Variants in CDIN1 observed in about 807,000 individuals in gnomAD.
CDIN1 encodes CDAN1-interacting nuclease 1.
In CDIN1, 33 loss-of-function variants were observed where a neutral mutation model predicts 45.3. That is an observed-to-expected ratio of 0.73 (90% CI 0.55 to 0.97). CDIN1 has a LOEUF of 0.97. Among genes scored for constraint, CDIN1 ranks in the 50% least tolerant of loss-of-function variants. The pLI, the probability that CDIN1 is intolerant of heterozygous loss-of-function variation, is 0.00. For missense variants in CDIN1, 303 were observed against 339.4 expected (o/e 0.89, Z 0.84); for synonymous variants, 118 against 124.4 (o/e 0.95, Z 0.34).
intron 1 of CDIN1, among the ~76,000 whole-genome samples, chr15:36,629,691 G>A (rs1408728789): frequency 2.0e-5 from 3 of 152,230 alleles, no homozygotes; most frequent in African/African-American, 7.2e-5. Context: ...AGTCACTTCT[G>A]TTTTCCTCTG....
At chr15:36,589,511 CTT>C (rs5811918) in intron 1 of CDIN1, among the ~76,000 whole-genome samples, 51 of 145,336 alleles carry the variant, frequency 3.5e-4, no homozygotes, top group Admixed American at 4.8e-4. Context: ...TTTCTTTTTT[CTT>C]TTTTTTTTTT....
chr15:36,675,862 A>AT (rs1237496101), intron 5 of CDIN1, among the ~76,000 whole-genome samples: 3 of 152,102 alleles, frequency 2.0e-5, no homozygotes, highest in Admixed American at 6.6e-5. Flanking sequence ...CTGGTAGGAT[A>AT]TTTTTATGGT....
chr15:36,718,445 A>C (rs2043289339), intron 10 of CDIN1, among the ~76,000 whole-genome samples: 2 of 152,256 alleles, frequency 1.3e-5, no homozygotes, highest in South Asian at 2.1e-4. Flanking sequence ...CAATTTGGGA[A>C]GAATTAACAT....
intron 1 of CDIN1, among the ~76,000 whole-genome samples, chr15:36,637,238 A>C (rs2039937312): frequency 6.6e-6 from 1 of 152,230 alleles, no homozygotes; most frequent in South Asian, 2.1e-4. Context: ...TAACACACAA[A>C]ATTAATTGAA....
intron 5 of CDIN1, among the ~76,000 whole-genome samples, chr15:36,665,815 A>G (rs2041227572): frequency 6.6e-6 from 1 of 152,088 alleles, no homozygotes; most frequent in Admixed American, 6.6e-5. Flanking sequence ...TTTTCTGTTT[A>G]AAGAAAGTTA....
chr15:36,654,682 A>G (rs1000065393), intron 4 of CDIN1, among the ~76,000 whole-genome samples: 5 of 152,172 alleles, frequency 3.3e-5, no homozygotes, highest in Non-Finnish European at 7.4e-5. Flanking sequence ...TCTTAATAAC[A>G]CCAAGTAAGA....
chr15:36,640,629 G>A, intron 1 of CDIN1: 3 of 985,322 alleles, frequency 3.0e-6, no homozygotes, highest in Non-Finnish European at 3.6e-6. Flanking sequence ...AGAAGAGGAG[G>A]AACATAAAAT....
chr15:36,728,294 C>T (rs2043712449), intron 10 of CDIN1, among the ~76,000 whole-genome samples: 1 of 152,186 alleles, frequency 6.6e-6, no homozygotes, highest in East Asian at 1.9e-4. Context: ...CCCTACCATT[C>T]ACAGTTCTTC....
chr15:36,659,097 G>A lies in CDIN1; in HGVS notation c.346+1192G>A, dbSNP rs531789649. Among the ~76,000 whole-genome samples, 4 of 152,242 alleles carry A rather than the reference G, an allele frequency of 2.6e-5. No homozygotes were observed. The East Asian group carries it at 7.7e-4, about 29-fold the overall frequency. ...CAAAGTCAACCTTCTGATTGCTTTG[G>A]ACCTACTGCTATCCAGGTCTTGTCA... is the stretch of plus-strand genomic sequence containing the variant. On this transcript the variant is annotated intron_variant, in intron 5 of 10. Coordinates refer to ENST00000566621, the MANE Select transcript of CDIN1 (RefSeq NM_001321759.2).
chr15:36,641,920 TCTC>T (rs2040126265), intron 1 of CDIN1: 1 of 152,246 alleles, frequency 6.6e-6, no homozygotes, highest in African/African-American at 2.4e-5. Flanking sequence ...ACAGAATCTT[TCTC>T]CTCTCCTCTT....
At chr15:36,678,592 G>T (rs1203008244) in intron 5 of CDIN1, among the ~76,000 whole-genome samples, 1 of 152,154 alleles carries the variant, frequency 6.6e-6, no homozygotes, top group Non-Finnish European at 1.5e-5. Flanking sequence ...GACTGTGCAT[G>T]ACTTTTCCTT....
chr15:36,598,222 A>T (rs2037928198), intron 1 of CDIN1, among the ~76,000 whole-genome samples: 1 of 151,834 alleles, frequency 6.6e-6, no homozygotes, highest in Non-Finnish European at 1.5e-5. Context: ...GAACTCCTGT[A>T]CTCAAACCAT....
intron 5 of CDIN1, among the ~76,000 whole-genome samples, chr15:36,676,740 G>A (rs1162758678): frequency 1.3e-5 from 2 of 151,904 alleles, no homozygotes; most frequent in African/African-American, 4.8e-5. Flanking sequence ...TCTCATGTTG[G>A]GCCCCAGTGA....
Position 36,808,793 on chromosome 15 carries a change from G to C in CDIN1, c.*340G>C. Reference sequence around the variant, plus strand: ...AAAGAAAAAATGTGAAGACTGAAAGGTGTGATTTTTCAATTCTCCTCCCAG... The same window carrying C: ...AAAGAAAAAATGTGAAGACTGAAAGCTGTGATTTTTCAATTCTCCTCCCAG... On this transcript the variant is annotated 3_prime_UTR_variant, in exon 11 of 11. Coordinates refer to ENST00000566621, the MANE Select transcript of CDIN1 (RefSeq NM_001321759.2). 2.2e-6 allele frequency: 1 copy of C among 462,004 alleles called. No homozygotes were observed. Among genetic ancestry groups the C allele is most frequent in the Non-Finnish European group, 4.3e-6 (1 of 232,576 alleles). 28.6% of individuals were successfully genotyped at this position (462,004 alleles called of 1,614,324 possible).
intron 10 of CDIN1, among the ~76,000 whole-genome samples, chr15:36,776,366 C>T (rs2054217064): frequency 6.6e-6 from 1 of 152,176 alleles, no homozygotes. Context: ...CACCTGAACT[C>T]TCTTCATTCA....
chr15:36,699,938 CAAAGTTGAATAA>C (rs1175558834), intron 8 of CDIN1, among the ~76,000 whole-genome samples: 1 of 152,114 alleles, frequency 6.6e-6, no homozygotes, highest in East Asian at 1.9e-4. Context: ...TAAGACAGGT[CAAAGTTGAATAA>C]ATGACTTTAG....
At chr15:36,610,651 C>T (rs1006081134) in intron 1 of CDIN1, among the ~76,000 whole-genome samples, 1 of 152,174 alleles carries the variant, frequency 6.6e-6, no homozygotes, top group African/African-American at 2.4e-5. Context: ...TAGTTCTCAG[C>T]TAGATTCTAT....
chr15:36,728,070 A>G (rs2043703707), intron 10 of CDIN1, among the ~76,000 whole-genome samples: 1 of 152,228 alleles, frequency 6.6e-6, no homozygotes, highest in Admixed American at 6.5e-5. Context: ...ACCAAAAGGA[A>G]AAACAAAGCT....
At chr15:36,581,601 G>A (rs2037048702) in intron 1 of CDIN1, among the ~76,000 whole-genome samples, 1 of 152,212 alleles carries the variant, frequency 6.6e-6, no homozygotes, top group Non-Finnish European at 1.5e-5. Context: ...TTTAGGGCTG[G>A]GTGTGGTGGC....
Sources: gnomAD v4.1 joint callset for allele counts (sites outside exome capture counted in the v4.1 genomes callset) on GRCh38, gnomAD v4.1.1 for gene constraint, MANE v1.5 for transcripts, NCBI Gene and HGNC (gene_info 2026-07-23, HGNC 2026-07-21) for gene names.